The following MEGF11 variants were observed in gnomAD, a reference collection of about 807,000 sequenced individuals.
MEGF11 encodes the protein multiple epidermal growth factor-like domains protein 11.
Under a neutral mutation model 146.6 loss-of-function variants are expected in MEGF11, and 126 were observed. That is an observed-to-expected ratio of 0.86 (90% CI 0.74 to 1.00). The LOEUF is 1.00. Ranked by LOEUF, MEGF11 falls within the 50% of genes least tolerant of loss-of-function variation. MEGF11 has a pLI of 0.00. For missense variants in MEGF11, 1,509 were observed against 1,521.2 expected (o/e 0.99, Z 0.13); for synonymous variants, 532 against 583.4 (o/e 0.91, Z 1.27).
chr15:65,917,004 CAGACGG>C, intron 16 of MEGF11, 48 bp from the exon 17 acceptor site: 3 of 1,442,400 alleles, frequency 2.1e-6, no homozygotes, highest in Non-Finnish European at 1.8e-6. Context: ...CAGAGAGGGG[CAGACGG>C]AGAGGGAGAA....
chr15:66,009,525 G>C (rs937646906), intron 5 of MEGF11, among the ~76,000 whole-genome samples: 1 of 151,880 alleles, frequency 6.6e-6, no homozygotes, highest in African/African-American at 2.4e-5. Flanking sequence ...GTAGGGGTGG[G>C]TATTTCAAAA....
chr15:66,211,119 A>C (rs1393699429), intron 1 of MEGF11, among the ~76,000 whole-genome samples: 1 of 151,982 alleles, frequency 6.6e-6, no homozygotes, highest in East Asian at 1.9e-4. Context: ...ACCTCCAGGC[A>C]CCTCCTCTCC....
In MEGF11 at chr15:66,251,721, G is replaced by A. The variant is rs570874510; in HGVS notation, c.-9+1884C>T. ...GAAAAGGCCCTGACCCAGAAGTCAG[G>A]AGACTTGGTTTATCTACTCTTCCTC... On this transcript the variant is annotated intron_variant, in intron 1 of 25. Coordinates refer to ENST00000395614, the MANE Select transcript of MEGF11 (RefSeq NM_001385028.1). 6.7e-4 allele frequency among the ~76,000 whole-genome samples: 102 copies of A among 152,232 alleles called. 1 individual carries two copies. Among genetic ancestry groups the A allele is most frequent in the Non-Finnish European group, 5.9e-5 (4 of 68,036 alleles).
intron 5 of MEGF11, among the ~76,000 whole-genome samples, chr15:66,034,412 GTT>G (rs2083648223): frequency 1.4e-5 from 2 of 138,444 alleles, no homozygotes; most frequent in Non-Finnish European, 3.2e-5. Flanking sequence ...TTTTTTTTTT[GTT>G]TTTGTTTTTT....
chr15:66,032,909 A>C (rs186291889), intron 5 of MEGF11, among the ~76,000 whole-genome samples: 77 of 152,108 alleles, frequency 5.1e-4, no homozygotes, highest in African/African-American at 1.8e-3. Context: ...GTGAAACCCC[A>C]TCTCTACTAA....
Position 65,916,217 on chromosome 15 carries a change from C to T in MEGF11, c.2275G>A (p.Ala759Thr), listed in dbSNP as rs1476768425. Residue 759 changes from alanine (A) to threonine (T), a missense_variant, in exon 18 of 26, where the codon GCC becomes ACC. Transcript: ENST00000395614. ...TTGCCACTGATGTGGTCACAGCTGG[C>T]GCCATTCTGACACTGGCATACGCGC... ...CGRVCQCQNGASCDHISGKCT... is the reference protein window; with the variant it reads ...CGRVCQCQNGTSCDHISGKCT... 1.3e-6 allele frequency: 2 copies of T among 1,571,408 alleles called. No homozygotes were observed. The highest frequency in any genetic ancestry group is 1.7e-6 in the Non-Finnish European group (2 of 1,158,330).
At chr15:66,054,793 C>G (rs1248835040) in intron 5 of MEGF11, among the ~76,000 whole-genome samples, 2 of 151,528 alleles carry the variant, frequency 1.3e-5, no homozygotes, top group Admixed American at 1.3e-4. Context: ...AGTCCTCAAA[C>G]TTGAGGAAAA....
intron 5 of MEGF11, among the ~76,000 whole-genome samples, chr15:66,055,223 T>C (rs2084627784): frequency 6.6e-6 from 1 of 152,240 alleles, no homozygotes; most frequent in Non-Finnish European, 1.5e-5. Context: ...ACCTTTAGAT[T>C]ATTTTACGAG....
rs756464578 is a variant in MEGF11 at position 65,913,798 on chromosome 15, C to T, written c.2649G>A (p.Leu883=). 6.2e-7 allele frequency: 1 copy of T among 1,613,710 alleles called. No homozygotes were observed. The highest frequency in any genetic ancestry group is 8.5e-7 in the Non-Finnish European group (1 of 1,179,826). The change falls in exon 20 of 26, where the codon CTG becomes CTA. Residue 883 remains leucine, a synonymous_variant. Transcript: ENST00000395614. ...RRRQKEKGRD[L]APRVSYTPAM... Reference sequence around the variant, plus strand: ...CAGGTGTGTAGGAGACACGGGGAGCCAGGTCTCGGCCCTTCTCTTTCTGCC... The same window carrying T: ...CAGGTGTGTAGGAGACACGGGGAGCTAGGTCTCGGCCCTTCTCTTTCTGCC...
chr15:66,141,707 C>T (rs981186015), intron 1 of MEGF11, among the ~76,000 whole-genome samples: 1 of 152,028 alleles, frequency 6.6e-6, no homozygotes, highest in Non-Finnish European at 1.5e-5. Context: ...ACTAGGTGGC[C>T]CCGAAGGTCC....
chr15:66,227,787 C>T (rs1187011106), intron 1 of MEGF11, among the ~76,000 whole-genome samples: 1 of 152,212 alleles, frequency 6.6e-6, no homozygotes, highest in East Asian at 1.9e-4. Context: ...GTCCCCATTC[C>T]ACCAGTGGTC....
intron 1 of MEGF11, among the ~76,000 whole-genome samples, chr15:66,243,001 A>C (rs2092240783): frequency 6.6e-6 from 1 of 152,214 alleles, no homozygotes; most frequent in Non-Finnish European, 1.5e-5. Flanking sequence ...TTTCCCCCAA[A>C]GTATACAAAC....
intron 1 of MEGF11, among the ~76,000 whole-genome samples, chr15:66,147,756 A>G (rs749817978): frequency 6.7e-5 from 10 of 150,046 alleles, no homozygotes; most frequent in Non-Finnish European, 1.0e-4. Flanking sequence ...GCCCCAGAAC[A>G]CAACACACCT....
At chr15:66,008,409 GCGCACACACACACACACACACACA>G (rs1040116945) in intron 5 of MEGF11, among the ~76,000 whole-genome samples, 6 of 46,574 alleles carry the variant, frequency 1.3e-4, no homozygotes, top group Admixed American at 2.6e-4. Context: ...ACACGCGCGC[GCGCACACACACACACACACACACA>G]CACACACACA....
intron 1 of MEGF11, among the ~76,000 whole-genome samples, chr15:66,182,603 T>G (rs1257833881): frequency 1.3e-5 from 2 of 152,126 alleles, no homozygotes; most frequent in Non-Finnish European, 2.9e-5. Context: ...TTAAAGCACT[T>G]CAGGAGCTCA....
intron 1 of MEGF11, among the ~76,000 whole-genome samples, chr15:66,192,995 C>T (rs1246624522): frequency 2.0e-5 from 3 of 152,190 alleles, no homozygotes; most frequent in Non-Finnish European, 2.9e-5. Context: ...TCCCAATCTT[C>T]CCTAAATTGG....
At chr15:65,980,606 C>A (rs568824097) in intron 7 of MEGF11, among the ~76,000 whole-genome samples, 172 bp downstream of exon 7, 135 of 152,162 alleles carry the variant, frequency 8.9e-4, no homozygotes, top group Non-Finnish European at 1.5e-3. Context: ...GCCATGTTGG[C>A]CAGGCTGGTC....
intron 5 of MEGF11, among the ~76,000 whole-genome samples, chr15:65,996,578 C>T (rs961402115): frequency 1.3e-5 from 2 of 151,856 alleles, no homozygotes; most frequent in Non-Finnish European, 2.9e-5. Context: ...CTCTGCCTCC[C>T]GGGTTCAAGT....
intron 1 of MEGF11, among the ~76,000 whole-genome samples, chr15:66,143,613 A>G (rs2089254943): frequency 6.6e-6 from 1 of 152,234 alleles, no homozygotes; most frequent in Admixed American, 6.5e-5. Context: ...ACAGAGGCAG[A>G]GCGAGATGCC....
Sources: gnomAD v4.1 joint callset for allele counts (sites outside exome capture counted in the v4.1 genomes callset) on GRCh38, gnomAD v4.1.1 for gene constraint, MANE v1.5 for transcripts, NCBI Gene and HGNC (gene_info 2026-07-23, HGNC 2026-07-21) for gene names.